The following SLC30A8 variants were observed in gnomAD, a reference collection of about 807,000 sequenced individuals.
SLC30A8 encodes proton-coupled zinc antiporter SLC30A8.
A neutral mutation model predicts 36.9 loss-of-function variants in SLC30A8; 27 were observed. That is an observed-to-expected ratio of 0.73 (90% CI 0.54 to 1.01). The LOEUF (loss-of-function observed/expected upper bound fraction) is 1.01, where lower values mean the gene tolerates loss of function less well. SLC30A8 is among the 50% of genes least tolerant of loss of function. The pLI, the probability that SLC30A8 is intolerant of heterozygous loss-of-function variation, is 0.00. For synonymous variants in SLC30A8, 164 were observed against 172.4 expected (o/e 0.95, Z 0.38); for missense variants, 439 against 452.0 (o/e 0.97, Z 0.26).
At chr8:117,152,370 A>G (rs1251893348) in intron 2 of SLC30A8, among the ~76,000 whole-genome samples, 1 of 152,150 alleles carries the variant, frequency 6.6e-6, no homozygotes, top group Non-Finnish European at 1.5e-5. Flanking sequence ...ATTGGATTGT[A>G]GCACTGAGGA....
At chr8:117,123,341 T>C (rs750973023) in intron 2 of SLC30A8, among the ~76,000 whole-genome samples, 11 of 152,002 alleles carry the variant, frequency 7.2e-5, no homozygotes. Flanking sequence ...ATGCAGTGCA[T>C]AAACAGACAT....
chr8:116,979,109 C>A (rs1163777378), intron 1 of SLC30A8, among the ~76,000 whole-genome samples: 2 of 151,002 alleles, frequency 1.3e-5, no homozygotes, highest in Non-Finnish European at 3.0e-5. Flanking sequence ...TGGTGACACA[C>A]GCTTGTAGTA....
intron 1 of SLC30A8, among the ~76,000 whole-genome samples, chr8:116,973,930 A>C (rs960596237): frequency 3.3e-5 from 5 of 152,188 alleles, no homozygotes; most frequent in Admixed American, 6.5e-5. Flanking sequence ...CAAAAACAAG[A>C]AATGGGGCAA....
chr8:117,082,248 G>A (rs1009387320), intron 2 of SLC30A8, among the ~76,000 whole-genome samples: 2 of 152,098 alleles, frequency 1.3e-5, no homozygotes, highest in African/African-American at 4.8e-5. Flanking sequence ...ATTATAATTG[G>A]TCTAGGTCTT....
At chr8:117,001,751 T>C (rs563189092) in intron 1 of SLC30A8, among the ~76,000 whole-genome samples, 4 of 152,314 alleles carry the variant, frequency 2.6e-5, no homozygotes, top group Non-Finnish European at 4.4e-5. Context: ...CCTCCAGATA[T>C]GCTGGTTTAT....
rs75449338 is a variant in SLC30A8 at position 117,116,899 on chromosome 8, A to G, written c.-225-18381A>G. 3.5e-3 allele frequency among the ~76,000 whole-genome samples: 527 copies of G among 152,166 alleles called. 8 individuals are homozygous for G. In the East Asian group the frequency reaches 0.062, roughly 18 times the overall value. Reference sequence around the variant, plus strand: ...TGAGTCAAGGTTATAGAAGGCCAGTATTTGGGCAAGAGCCCTTCTTAGAAG... The same window carrying G: ...TGAGTCAAGGTTATAGAAGGCCAGTGTTTGGGCAAGAGCCCTTCTTAGAAG... On this transcript the variant is annotated intron_variant, in intron 2 of 10. Coordinates refer to the SLC30A8 transcript ENST00000427715.
chr8:117,002,922 T>C (rs1816059578), intron 1 of SLC30A8, among the ~76,000 whole-genome samples: 1 of 152,174 alleles, frequency 6.6e-6, no homozygotes, highest in Non-Finnish European at 1.5e-5. Context: ...TATTTTTTTT[T>C]AGCATCCATT....
rs1422413969 is a variant in SLC30A8, at chr8:117,161,879, C to G, written c.714C>G (p.Ile238Met). The change falls in exon 5 of 8, where the codon ATC becomes ATG. Residue 238 changes from isoleucine to methionine, a missense_variant. Coordinates refer to ENST00000456015, the MANE Select transcript of SLC30A8 (RefSeq NM_173851.3). ...GTGTGCTAATTAGTGCACTTATTAT[C>G]TACTTTAAGGTGAGTTTGAGTTTAC... ...SISVLISALI[I>M]YFKPEYKIAD... 6.2e-7 allele frequency: 1 copy of G among 1,612,692 alleles called. No individual in the cohort carries two copies. The highest frequency in any genetic ancestry group is 8.5e-7 in the Non-Finnish European group (1 of 1,179,210).
intron 2 of SLC30A8, among the ~76,000 whole-genome samples, chr8:117,106,006 CT>C (rs975195602): frequency 9.9e-5 from 15 of 152,094 alleles, no homozygotes; most frequent in African/African-American, 2.9e-4. Context: ...CTTTGTCAGA[CT>C]TTTTTTTCAG....
At chr8:117,166,465 T>C (rs757352500) in intron 6 of SLC30A8, among the ~76,000 whole-genome samples, 2 of 152,190 alleles carry the variant, frequency 1.3e-5, no homozygotes, top group Non-Finnish European at 2.9e-5. Context: ...TCTCAAACTT[T>C]AGTGGCATCA....
chr8:117,020,970 G>A (rs944351583), intron 1 of SLC30A8, among the ~76,000 whole-genome samples: 2 of 152,166 alleles, frequency 1.3e-5, no homozygotes, highest in African/African-American at 4.8e-5. Flanking sequence ...AAAAGGGAGA[G>A]AAGTAAAATT....
chr8:117,032,244 C>T (rs1466055984), intron 1 of SLC30A8, among the ~76,000 whole-genome samples: 1 of 151,926 alleles, frequency 6.6e-6, no homozygotes, highest in African/African-American at 2.4e-5. Context: ...CTTCTCAGTA[C>T]TTGTCAAAGT....
intron 1 of SLC30A8, among the ~76,000 whole-genome samples, chr8:117,137,207 C>T (rs1821405123): frequency 6.6e-6 from 1 of 151,928 alleles, no homozygotes; most frequent in African/African-American, 2.4e-5. Flanking sequence ...TGAATTCCCT[C>T]ACTTACTCAC....
intron 2 of SLC30A8, among the ~76,000 whole-genome samples, chr8:117,079,545 A>T (rs1334110159): frequency 6.6e-6 from 1 of 152,208 alleles, no homozygotes; most frequent in Non-Finnish European, 1.5e-5. Flanking sequence ...TCAGGAACCC[A>T]GGGCTAAGCC....
At chr8:117,129,427 C>T (rs192832750) in intron 2 of SLC30A8, among the ~76,000 whole-genome samples, 11 of 152,170 alleles carry the variant, frequency 7.2e-5, no homozygotes, top group Admixed American at 4.6e-4. Flanking sequence ...ACTGGGACAT[C>T]ATTTTAATCA....
chr8:117,061,678 C>A (rs1371533839), intron 2 of SLC30A8, among the ~76,000 whole-genome samples: 3 of 152,208 alleles, frequency 2.0e-5, no homozygotes, highest in Non-Finnish European at 4.4e-5. Flanking sequence ...ATCTGGGCTG[C>A]TCAAGCTGTG....
intron 1 of SLC30A8, among the ~76,000 whole-genome samples, chr8:116,976,825 T>TCTTTCTTTCTTTCTTTCTTTC (rs199570679): frequency 2.3e-4 from 34 of 144,976 alleles, no homozygotes; most frequent in African/African-American, 8.7e-4. Flanking sequence ...TTTCTTTCTT[T>TCTTTCTTTCTTTCTTTCTTTC]TTTTTTTTTT....
intron 2 of SLC30A8, among the ~76,000 whole-genome samples, chr8:117,042,156 C>T (rs1000287173): frequency 2.0e-5 from 3 of 152,148 alleles, no homozygotes; most frequent in Non-Finnish European, 4.4e-5. Context: ...GAATGAATTT[C>T]ACCTTTTATG....
At position 117,175,134 on chromosome 8, in the gene SLC30A8, C is replaced by CT. The variant is rs1823612471; in HGVS notation, c.*2456dup. 6.6e-6 allele frequency: 1 copy of CT among 151,990 alleles called. No homozygotes were observed. The highest frequency in any genetic ancestry group is 1.5e-5 in the Non-Finnish European group (1 of 67,982). The allele number at this position is 151,990 out of a possible 1,614,324, so 9.4% of individuals were successfully genotyped here. ...ATGTCTTTTTTTTGTTATTGTTATA[C>CT]TTTAAGTTCTGGGGTACATGTGCGG... On this transcript the variant is annotated 3_prime_UTR_variant, in exon 8 of 8. Transcript: ENST00000456015.
Sources: gnomAD v4.1 joint callset for allele counts (sites outside exome capture counted in the v4.1 genomes callset) on GRCh38, gnomAD v4.1.1 for gene constraint, MANE v1.5 for transcripts, NCBI Gene and HGNC (gene_info 2026-07-23, HGNC 2026-07-21) for gene names.